The following DPP6 variants were observed in gnomAD, a reference collection of about 807,000 sequenced individuals.
The protein encoded by DPP6 is A-type potassium channel modulatory protein DPP6.
A neutral mutation model predicts 122.6 loss-of-function variants in DPP6; 69 were observed. That is an observed-to-expected ratio of 0.56 (90% confidence interval 0.46 to 0.69). DPP6 has a LOEUF of 0.69. Among genes scored for constraint, DPP6 ranks in the 30% least tolerant of loss-of-function variants. The pLI is 0.00. For synonymous variants in DPP6, 418 were observed against 433.1 expected (o/e 0.97, Z 0.43); for missense variants, 928 against 1,116.9 (o/e 0.83, Z 2.41).
At chr7:154,480,555 C>G (rs1214034810) in intron 3 of DPP6, among the ~76,000 whole-genome samples, 1 of 152,134 alleles carries the variant, frequency 6.6e-6, no homozygotes, top group Non-Finnish European at 1.5e-5. Flanking sequence ...GGCCGGTTCT[C>G]CCTCTTCTCC....
At chr7:154,660,048 T>C (rs1837519144) in intron 6 of DPP6, among the ~76,000 whole-genome samples, 1 of 152,136 alleles carries the variant, frequency 6.6e-6, no homozygotes, top group South Asian at 2.1e-4. Context: ...TGTGGATCTA[T>C]GGAAACTCCT....
upstream of DPP6, among the ~76,000 whole-genome samples, chr7:154,050,405 TTG>T (rs971723767): frequency 6.6e-6 from 1 of 152,182 alleles, no homozygotes; most frequent in African/African-American, 2.4e-5. Context: ...GACATTTAGT[TTG>T]TGTAAAAATA....
chr7:154,072,820 A>G (rs1271321537), intron 1 of DPP6, among the ~76,000 whole-genome samples: 6 of 152,288 alleles, frequency 3.9e-5, no homozygotes, highest in Admixed American at 3.9e-4. Context: ...TCAGAGCAAC[A>G]TGAAGGAAAG....
the DPP6 span, among the ~76,000 whole-genome samples, chr7:153,815,090 T>G: frequency 1.6e-4 from 25 of 152,218 alleles, no homozygotes; most frequent in East Asian, 4.8e-3. Context: ...TTCAACATAG[T>G]GTTGGAAGTT....
chr7:153,791,144 G>A, the DPP6 span, among the ~76,000 whole-genome samples: 16 of 152,210 alleles, frequency 1.1e-4, no homozygotes, highest in Middle Eastern at 3.4e-3. Flanking sequence ...TTTTGTTGCC[G>A]TGTATTTTTG....
chr7:154,411,680 T>C (rs1160521553), intron 1 of DPP6, among the ~76,000 whole-genome samples: 2 of 152,250 alleles, frequency 1.3e-5, no homozygotes, highest in African/African-American at 4.8e-5. Flanking sequence ...TTATGAACTC[T>C]GTTTTCTTTT....
chr7:154,105,595 C>T (rs1297225094), intron 1 of DPP6, among the ~76,000 whole-genome samples: 2 of 152,140 alleles, frequency 1.3e-5, no homozygotes, highest in Non-Finnish European at 2.9e-5. Context: ...CCCATAATTC[C>T]CAAGTGTCCT....
chr7:154,500,989 A>G (rs1258440162), intron 3 of DPP6, among the ~76,000 whole-genome samples: 2 of 152,214 alleles, frequency 1.3e-5, no homozygotes, highest in South Asian at 2.1e-4. Flanking sequence ...AGGTGGTCTC[A>G]GACAGAGATG....
intron 1 of DPP6, among the ~76,000 whole-genome samples, chr7:154,375,162 T>C (rs139666362): frequency 4.3e-4 from 66 of 151,996 alleles, no homozygotes; most frequent in African/African-American, 1.6e-3. Context: ...AACGCTTTTT[T>C]GAGGAGGTGA....
intron 3 of DPP6, among the ~76,000 whole-genome samples, chr7:154,523,998 G>A (rs888322139): frequency 6.6e-6 from 1 of 152,230 alleles, no homozygotes; most frequent in East Asian, 1.9e-4. Context: ...ACAAAGCGGT[G>A]ATGTTCTGAA....
At chr7:154,118,287 C>T (rs1305281947) in intron 1 of DPP6, among the ~76,000 whole-genome samples, 1 of 150,254 alleles carries the variant, frequency 6.7e-6, no homozygotes, top group East Asian at 1.9e-4. Flanking sequence ...GAAATATCTT[C>T]AGCTTCATAT....
intron 1 of DPP6, among the ~76,000 whole-genome samples, chr7:154,442,010 G>A (rs780478596): frequency 5.3e-5 from 8 of 152,302 alleles, no homozygotes; most frequent in Admixed American, 1.3e-4. Context: ...CCAACTATGC[G>A]TGTCAGTTTG....
chr7:154,084,989 C>CAA (rs370222780), intron 1 of DPP6, among the ~76,000 whole-genome samples: 28,482 of 77,902 alleles, frequency 0.37, 6,019 homozygotes, highest in East Asian at 0.45. Context: ...GACTCCGTCT[C>CAA]AAAAAAAAAA....
At chr7:154,292,150 C>A (rs964677505) in intron 1 of DPP6, among the ~76,000 whole-genome samples, 5 of 152,108 alleles carry the variant, frequency 3.3e-5, no homozygotes, top group Admixed American at 6.5e-5. Context: ...GGCACTCTTA[C>A]GTCTTGTGTC....
At chr7:154,529,377 A>C (rs2130089895) in intron 3 of DPP6, among the ~76,000 whole-genome samples, 1 of 152,344 alleles carries the variant, frequency 6.6e-6, no homozygotes, top group South Asian at 2.1e-4. Flanking sequence ...CAAGAAACAA[A>C]CTTGGCTGTG....
rs578206794 is a variant in DPP6 at position 154,753,023 on chromosome 7, C to A, written c.884-16394C>A. ...TGTTTCTTGGGGGACATAGCTCTGGCCGCAGAGGGATTAATCATGCCTGAA... is the reference window on the plus strand; with the variant it reads ...TGTTTCTTGGGGGACATAGCTCTGGACGCAGAGGGATTAATCATGCCTGAA... On this transcript the variant is annotated intron_variant, in intron 8 of 25. Coordinates refer to ENST00000377770, the MANE Select transcript of DPP6 (RefSeq NM_130797.4). Among the ~76,000 whole-genome samples the A allele has an allele frequency of 2.6e-5, 4 of 152,226 alleles. No homozygotes were observed. The East Asian group carries it at 7.7e-4, about 29-fold the overall frequency.
intron 1 of DPP6, among the ~76,000 whole-genome samples, chr7:154,128,425 G>A (rs1332559114): frequency 1.3e-5 from 2 of 152,082 alleles, no homozygotes; most frequent in South Asian, 4.1e-4. Flanking sequence ...TTTTTGAGAC[G>A]GAGTCTCGCC....
At chr7:153,894,540 T>C (rs530778828) in intron 1 of DPP6, among the ~76,000 whole-genome samples, 52 of 152,298 alleles carry the variant, frequency 3.4e-4, no homozygotes, top group African/African-American at 1.2e-3. Flanking sequence ...CAGTGGCTCT[T>C]GGCAATGGCT....
rs771275768 is a variant in DPP6, at chr7:154,682,375, C to T, written c.762+12934C>T. 1.6e-4 allele frequency among the ~76,000 whole-genome samples: 24 copies of T among 152,234 alleles called. No homozygotes were observed. The East Asian group carries it at 3.1e-3, about 20-fold the overall frequency. ...CCAAGGACGTTTCAGAGGATGAAAG[C>T]GCCTCACTTCTTGTCCCACTAGGAC... On this transcript the variant is annotated intron_variant, in intron 7 of 25. Transcript: ENST00000377770.
Sources: gnomAD v4.1 joint callset for allele counts (sites outside exome capture counted in the v4.1 genomes callset) on GRCh38, gnomAD v4.1.1 for gene constraint, MANE v1.5 for transcripts, NCBI Gene and HGNC (gene_info 2026-07-23, HGNC 2026-07-21) for gene names.